PTP4A3: variants seen among roughly 807,000 people sequenced by gnomAD.
The protein encoded by PTP4A3 is protein tyrosine phosphatase 4A3.
A neutral mutation model predicts 15.2 loss-of-function variants in PTP4A3; 9 were observed. The observed-to-expected ratio is 0.59, with a 90% CI of 0.36 to 1.03. PTP4A3 has a LOEUF of 1.03. PTP4A3 is among the 50% of genes least tolerant of loss of function. The pLI is 0.02. For synonymous variants in PTP4A3, 95 were observed against 102.0 expected (o/e 0.93, Z 0.41); for missense variants, 234 against 252.1 (o/e 0.93, Z 0.49).
intron 1 of PTP4A3, chr8:141,392,571 A>C (rs1832315668): frequency 6.6e-6 from 1 of 152,360 alleles, no homozygotes; most frequent in African/African-American, 2.4e-5. Context: ...GCAGAGCGTC[A>C]GGTCTCAGGC....
chr8:141,397,663 C>T (rs964597526), intron 1 of PTP4A3, among the ~76,000 whole-genome samples: 1 of 152,222 alleles, frequency 6.6e-6, no homozygotes, highest in Non-Finnish European at 1.5e-5. Flanking sequence ...GCCTGAGTGC[C>T]TCGGTGGCTG....
chr8:141,409,609 C>T (rs73713626), intron 1 of PTP4A3, among the ~76,000 whole-genome samples: 2,621 of 152,336 alleles, frequency 0.017, 86 homozygotes, highest in African/African-American at 0.059. Context: ...CTCTGGAAAG[C>T]GCCTGTGGAT....
At position 141,431,928 on chromosome 8, in the gene PTP4A3, G is replaced by A. The variant is rs1284882880; in HGVS notation, c.*884G>A. ...CTCCGAGGCGCAGAGAAGGGGGCAG[G>A]TGGTGGCTTGGGTGGAGGAAGTCAC... On this transcript the variant is annotated 3_prime_UTR_variant, in exon 6 of 6. Coordinates refer to ENST00000521578, the MANE Select transcript of PTP4A3 (RefSeq NM_032611.3). The A allele has an allele frequency of 1.3e-5, 2 of 152,394 alleles. No homozygotes were observed. The highest frequency in any genetic ancestry group is 2.4e-5 in the African/African-American group (1 of 41,452). The allele number at this position is 152,394 out of a possible 1,614,324, so 9.4% of individuals were successfully genotyped here.
Position 141,411,379 on chromosome 8 carries a change from C to T in PTP4A3, c.-853-10009C>T, listed in dbSNP as rs1733856836. On this transcript the variant is annotated intron_variant, in intron 1 of 5. Coordinates refer to ENST00000521578, the MANE Select transcript of PTP4A3 (RefSeq NM_032611.3). Reference sequence around the variant, plus strand: ...TCAGCACTGGTCCCCCCAGTAGGATCTAGGCACCATGGGGAACCTGCGGGC... The same window carrying T: ...TCAGCACTGGTCCCCCCAGTAGGATTTAGGCACCATGGGGAACCTGCGGGC... Among the ~76,000 whole-genome samples the T allele has an allele frequency of 2.6e-5, 4 of 152,230 alleles. No individual in the cohort carries two copies. In the South Asian group the frequency reaches 8.3e-4, roughly 31 times the overall value.
intron 2 of PTP4A3, among the ~76,000 whole-genome samples, chr8:141,423,653 G>A (rs1833434337): frequency 6.6e-6 from 1 of 152,018 alleles, no homozygotes; most frequent in African/African-American, 2.4e-5. Flanking sequence ...CAGGATCAGG[G>A]CTTAGTGTGT....
chr8:141,419,263 C>G (rs1377636143), intron 1 of PTP4A3, among the ~76,000 whole-genome samples: 1 of 152,168 alleles, frequency 6.6e-6, no homozygotes, highest in Non-Finnish European at 1.5e-5. Flanking sequence ...TTCCTGGGTC[C>G]CTGGCAGCTG....
At chr8:141,430,066 ACAG>A (rs1833778100) in intron 5 of PTP4A3, among the ~76,000 whole-genome samples, 1 of 129,720 alleles carries the variant, frequency 7.7e-6, no homozygotes, top group African/African-American at 3.3e-5. Flanking sequence ...GGGTGAGCGC[ACAG>A]TCCGGGTCCC....
chr8:141,426,788 C>T (rs1833594275), intron 3 of PTP4A3, 151 bp from the exon 4 acceptor site: 4 of 1,417,810 alleles, frequency 2.8e-6, no homozygotes, highest in Admixed American at 4.6e-5. Context: ...CAAGCTGTGC[C>T]CCTCCTGTGT....
intron 1 of PTP4A3, among the ~76,000 whole-genome samples, chr8:141,417,843 G>C (rs1251126604): frequency 6.6e-6 from 1 of 151,974 alleles, no homozygotes; most frequent in Non-Finnish European, 1.5e-5. Flanking sequence ...CAGCCGGGTC[G>C]CCCGCCGGTC....
At chr8:141,419,630 G>A (rs1833234846) in intron 1 of PTP4A3, among the ~76,000 whole-genome samples, 1 of 148,628 alleles carries the variant, frequency 6.7e-6, no homozygotes, top group East Asian at 2.0e-4. Context: ...AGAGGGCAAT[G>A]GAGCGATCTC....
intron 2 of PTP4A3, among the ~76,000 whole-genome samples, chr8:141,424,009 A>G (rs1043226452): frequency 6.6e-6 from 1 of 151,954 alleles, no homozygotes; most frequent in Non-Finnish European, 1.5e-5. Context: ...GTGTGTGACC[A>G]GGATCAGGAA....
chr8:141,425,198 G>GGGC lies in PTP4A3; in HGVS notation c.198+60_198+61insCGG. 1.1e-6 allele frequency: 1 copy of GGGC among 903,686 alleles called. No individual in the cohort carries two copies. The highest frequency in any genetic ancestry group is 1.8e-6 in the Non-Finnish European group (1 of 555,028). 56.0% of individuals were successfully genotyped at this position (903,686 alleles called of 1,614,324 possible). A position where few individuals can be genotyped will look rare whatever the true frequency, so the allele number is the denominator to read the frequency against. On this transcript the variant is annotated intron_variant, in intron 3 of 5. Transcript: ENST00000521578. The surrounding 1 kb of genome is among the most constrained non-coding windows in gnomAD (Gnocchi z 4.2). The stretch of plus-strand genomic sequence containing the variant: ...GCTGCCACCGGGGGAGGGTGGGGCG[G>GGGC]GGGGCTCCGGGCCTGCGCAGAGGGT...
Position 141,422,342 on chromosome 8 carries a change from T to C in PTP4A3, c.102T>C (p.Ile34=). Residue 34 remains isoleucine, a synonymous_variant, in exon 2 of 6, where the codon ATT becomes ATC. Transcript: ENST00000521578. The stretch of plus-strand genomic sequence containing the variant: ...CCAACGCCACGCTCAGCACCTTCAT[T>C]GAGGTGAGTGGAGACGGAGGTGTGG... The part of the protein sequence containing the change: ...NPTNATLSTF[I]EDLKKYGATT... 1 of 1,613,146 alleles carries C rather than the reference T, an allele frequency of 6.2e-7. No homozygotes were observed. Among genetic ancestry groups the C allele is most frequent in the Non-Finnish European group, 8.5e-7 (1 of 1,179,892 alleles).
rs187865175 is a variant in PTP4A3, at chr8:141,423,230, A to G, written c.105+885A>G. ...AGGAGGCATTGGGCACCTTGCCATC[A>G]GGGAGCCTGGACCCTGGACACTGAG... On this transcript the variant is annotated intron_variant, in intron 2 of 5. Coordinates refer to ENST00000521578, the MANE Select transcript of PTP4A3 (RefSeq NM_032611.3). 1.1e-3 allele frequency among the ~76,000 whole-genome samples: 160 copies of G among 152,372 alleles called. 1 individual carries two copies. Among genetic ancestry groups the G allele is most frequent in the Middle Eastern group, 6.8e-3 (2 of 294 alleles).
At chr8:141,423,376 A>G (rs1363787469) in intron 2 of PTP4A3, among the ~76,000 whole-genome samples, 1 of 152,188 alleles carries the variant, frequency 6.6e-6, no homozygotes, top group African/African-American at 2.4e-5. Context: ...GCCTCAGAAT[A>G]TGACTGGGAT....
intron 1 of PTP4A3, chr8:141,392,703 G>T (rs1487840160): frequency 6.6e-6 from 1 of 152,304 alleles, no homozygotes; most frequent in Admixed American, 6.5e-5. Context: ...GATTAAACGG[G>T]TGACTCCTGA....
chr8:141,403,735 C>T (rs962656676), intron 1 of PTP4A3, among the ~76,000 whole-genome samples: 15 of 152,226 alleles, frequency 9.9e-5, no homozygotes, highest in Admixed American at 3.9e-4. Flanking sequence ...CCCAGCTTTC[C>T]GTGGGCCAGT....
At chr8:141,398,381 G>A (rs541030184) in intron 1 of PTP4A3, among the ~76,000 whole-genome samples, 278 of 152,268 alleles carry the variant, frequency 1.8e-3, no homozygotes, top group Non-Finnish European at 2.6e-3. Flanking sequence ...AGGAGCCAGC[G>A]TTGCTGATGT....
At chr8:141,399,647 C>T (rs1832536331) in intron 1 of PTP4A3, among the ~76,000 whole-genome samples, 1 of 152,248 alleles carries the variant, frequency 6.6e-6, no homozygotes, top group Non-Finnish European at 1.5e-5. Flanking sequence ...GGCCTGGCAG[C>T]TGAGCTCCAG....
Sources: gnomAD v4.1 joint callset for allele counts (sites outside exome capture counted in the v4.1 genomes callset) on GRCh38, gnomAD v4.1.1 for gene constraint, Gnocchi (gnomAD v3.1) non-coding constraint, MANE v1.5 for transcripts, NCBI Gene and HGNC (gene_info 2026-07-23, HGNC 2026-07-21) for gene names.